The following COL4A6 variants were observed in gnomAD, a reference collection of about 807,000 sequenced individuals.
COL4A6 encodes collagen type IV alpha 6 chain, also known as collagen alpha-6(IV) chain.
In COL4A6, 59 loss-of-function variants were observed where a neutral mutation model predicts 126.7. The ratio of observed to expected loss-of-function variants is 0.47; its 90% CI spans 0.38 to 0.58. The LOEUF is 0.58. Among genes scored for constraint, COL4A6 ranks in the 20% least tolerant of loss-of-function variants. The probability of loss-of-function intolerance (pLI) is 0.00; values close to 1 mark genes in which losing one functional copy is unlikely to be tolerated. For synonymous variants in COL4A6, 547 were observed against 496.6 expected, an observed-to-expected ratio of 1.10 and a Z score of -1.35; for missense variants, 1,285 against 1,337.3, an observed-to-expected ratio of 0.96 and a Z score of 0.61.
intron 2 of COL4A6, among the ~76,000 whole-genome samples, chrX:108,336,754 G>A (rs963951984): frequency 9.0e-6 from 1 of 111,211 alleles, no homozygotes; most frequent in Non-Finnish European, 1.9e-5. Context: ...AAGCATGTAT[G>A]CATGTCTCCG....
intron 2 of COL4A6, among the ~76,000 whole-genome samples, chrX:108,382,100 C>T (rs1037646182): frequency 9.8e-5 from 11 of 112,040 alleles, no homozygotes; most frequent in African/African-American, 3.6e-4. Context: ...TTGGTGCCCT[C>T]TAATTATTTC....
chrX:108,194,894 T>C (rs917854714), intron 15 of COL4A6, among the ~76,000 whole-genome samples, 188 bp downstream of exon 15: 2 of 111,803 alleles, frequency 1.8e-5, no homozygotes, highest in Admixed American at 9.5e-5. Context: ...GGCACGGAAT[T>C]TGACACTGGA....
chrX:108,391,137 A>G (rs1205376506), intron 2 of COL4A6, among the ~76,000 whole-genome samples: 1 of 110,950 alleles, frequency 9.0e-6, no homozygotes, highest in Non-Finnish European at 1.9e-5. Flanking sequence ...GTCTGCCCCT[A>G]CTGGTAGGTG....
At position 108,193,689 on chromosome X, in the gene COL4A6, C is replaced by A. The variant is rs1342292158; in HGVS notation, c.1011G>T (p.Lys337Asn). ...LNGFQGIEGQ[K>N]GDIGLPGPDV... ...CTGGGCCTGGCAGGCCAATGTCACC[C>A]TTTTGACCCTGCAAAGATTAAGTAC... The change falls in exon 17 of 45, where the codon AAG becomes AAT. Residue 337 changes from lysine (K) to asparagine (N), a missense_variant. By Grantham distance (94) the Lys-to-Asn change is moderately conservative. Coordinates refer to ENST00000334504, the MANE Select transcript of COL4A6 (RefSeq NM_033641.4). 2 of 1,204,340 alleles carry A rather than the reference C, an allele frequency of 1.7e-6. No individual in the cohort carries two copies. Among genetic ancestry groups the A allele is most frequent in the Non-Finnish European group, 1.1e-6 (1 of 889,269 alleles).
At chrX:108,206,843 G>C (rs2035558182) in intron 8 of COL4A6, 1 of 433,863 alleles carries the variant, frequency 2.3e-6, no homozygotes. Flanking sequence ...ACTGTGTTAA[G>C]TGAAAAGCCA....
At chrX:108,340,705 T>C (rs1401893693) in intron 2 of COL4A6, among the ~76,000 whole-genome samples, 2 of 110,318 alleles carry the variant, frequency 1.8e-5, no homozygotes, top group East Asian at 5.7e-4. Context: ...TTTAAAAACA[T>C]GTAAAACACT....
intron 21 of COL4A6, 36 bp downstream of exon 21, chrX:108,188,481 A>G: frequency 9.3e-7 from 1 of 1,075,625 alleles, no homozygotes; most frequent in Non-Finnish European, 1.2e-6. Flanking sequence ...GAAAGATTCC[A>G]TTGCTTCCTC....
At chrX:108,406,163 G>A (rs1425227390) in intron 2 of COL4A6, among the ~76,000 whole-genome samples, 1 of 111,132 alleles carries the variant, frequency 9.0e-6, no homozygotes, top group African/African-American at 3.3e-5. Context: ...TAGAGAAGAG[G>A]TCTCACTATG....
Position 108,159,547 on chromosome X carries a change from G to A in COL4A6, c.4727C>T (p.Ala1576Val), listed in dbSNP as rs753330722. Reference protein sequence around the residue: ...RCSVCEAPSQAIAVHSQDITI... With the variant: ...RCSVCEAPSQVIAVHSQDITI... Reference sequence around the variant, plus strand: ...GATGTCCTGGCTGTGCACAGCAATGGCTTGCGAGGGTGCCTCACACACAGA... The same window carrying A: ...GATGTCCTGGCTGTGCACAGCAATGACTTGCGAGGGTGCCTCACACACAGA... The change falls in exon 44 of 45, where the codon GCC becomes GTC. Residue 1576 changes from alanine (A) to valine (V), a missense_variant. By Grantham distance (64) the Ala-to-Val change is moderately conservative. Coordinates refer to ENST00000334504, the MANE Select transcript of COL4A6 (RefSeq NM_033641.4). 3.3e-6 allele frequency: 4 copies of A among 1,212,242 alleles called. No individual in the cohort carries two copies. Among genetic ancestry groups the A allele is most frequent in the Non-Finnish European group, 4.5e-6 (4 of 895,583 alleles).
intron 3 of COL4A6, among the ~76,000 whole-genome samples, chrX:108,300,482 C>G (rs916520455): frequency 1.8e-5 from 2 of 108,559 alleles, no homozygotes; most frequent in African/African-American, 6.7e-5. Context: ...GCTAGGGGGT[C>G]TTGGACATGC....
intron 3 of COL4A6, among the ~76,000 whole-genome samples, chrX:108,290,571 CTT>C (rs767446799): frequency 8.9e-6 from 1 of 112,398 alleles, no homozygotes; most frequent in African/African-American, 3.2e-5. Context: ...CTCAATTAGA[CTT>C]TACCATAATT....
intron 24 of COL4A6, 127 bp downstream of exon 24, chrX:108,180,770 C>T: frequency 3.6e-6 from 3 of 832,089 alleles, no homozygotes; most frequent in Admixed American, 5.5e-5. Context: ...CATCCTGTTT[C>T]CTCAATCCCC....
At chrX:108,187,742 C>G (rs1426917067) in intron 22 of COL4A6, 106 bp downstream of exon 22, 1 of 840,118 alleles carries the variant, frequency 1.2e-6, no homozygotes, top group Non-Finnish European at 1.6e-6. Flanking sequence ...GCAAGGTCCT[C>G]TAGACTCTGT....
intron 2 of COL4A6, among the ~76,000 whole-genome samples, chrX:108,382,921 C>T (rs370092808): frequency 9.5e-6 from 1 of 105,065 alleles, no homozygotes; most frequent in African/African-American, 3.5e-5. Flanking sequence ...GTACTCCAGT[C>T]TGGGCGACAG....
chrX:108,255,481 T>C (rs2036978648), intron 3 of COL4A6, among the ~76,000 whole-genome samples: 1 of 111,318 alleles, frequency 9.0e-6, no homozygotes, highest in Admixed American at 9.6e-5. Context: ...CAAAATATAC[T>C]TTTCCCTTGC....
intron 13 of COL4A6, among the ~76,000 whole-genome samples, chrX:108,201,695 T>G (rs2035395684): frequency 8.9e-6 from 1 of 111,835 alleles, no homozygotes; most frequent in African/African-American, 3.3e-5. Context: ...ATAACAAGGT[T>G]GAACATTTTT....
At chrX:108,164,806 T>C (rs910293097) in intron 39 of COL4A6, 71 bp downstream of exon 39, 67 of 1,184,847 alleles carry the variant, frequency 5.7e-5, no homozygotes, top group Non-Finnish European at 7.5e-5. Context: ...CGGCCTCTCT[T>C]CACAGGACTG....
intron 2 of COL4A6, among the ~76,000 whole-genome samples, chrX:108,372,810 T>C (rs1163214945): frequency 8.9e-6 from 1 of 112,298 alleles, no homozygotes; most frequent in Non-Finnish European, 1.9e-5. Flanking sequence ...TTTGCTCAGA[T>C]TAATTCATTT....
At chrX:108,317,361 A>G (rs934740976) in intron 2 of COL4A6, among the ~76,000 whole-genome samples, 25 of 112,010 alleles carry the variant, frequency 2.2e-4, no homozygotes, top group Admixed American at 1.4e-3. Flanking sequence ...TGTGTATAAG[A>G]TATTCAAATG....
Sources: allele counts gnomAD v4.1 joint callset (sites outside exome capture counted in the v4.1 genomes callset), GRCh38; gene constraint gnomAD v4.1.1; transcripts MANE v1.5; gene names NCBI Gene and HGNC (gene_info 2026-07-23, HGNC 2026-07-21).